SLC25A14: variants seen among roughly 807,000 people sequenced by gnomAD.
The protein encoded by SLC25A14 is solute carrier family 25 member 14.
A neutral mutation model predicts 28.1 loss-of-function variants in SLC25A14; 8 were observed. The ratio of observed to expected loss-of-function variants is 0.28; its 90% CI spans 0.17 to 0.51. The LOEUF (loss-of-function observed/expected upper bound fraction) is 0.51, where lower values mean the gene tolerates loss of function less well. Among genes scored for constraint, SLC25A14 ranks in the 20% least tolerant of loss-of-function variants. The pLI, the probability that SLC25A14 is intolerant of heterozygous loss-of-function variation, is 0.97. For missense variants in SLC25A14, 135 were observed against 263.8 expected, an observed-to-expected ratio of 0.51 and a Z score of 3.38; for synonymous variants, 74 against 90.6, an observed-to-expected ratio of 0.82 and a Z score of 1.04.
intron 6 of SLC25A14, 43 bp from the exon 7 acceptor site, chrX:130,358,597 G>A (rs1453620198): frequency 1.1e-6 from 1 of 879,744 alleles, no homozygotes; most frequent in Non-Finnish European, 1.6e-6. Context: ...TAGCATTTTG[G>A]TTCTCTCTGA....
chrX:130,366,472 C>T (rs999416322), intron 9 of SLC25A14, among the ~76,000 whole-genome samples: 1 of 111,818 alleles, frequency 8.9e-6, no homozygotes, highest in African/African-American at 3.3e-5. Flanking sequence ...TCATTGAATC[C>T]TCACCATTAC....
At chrX:130,367,832 G>T (rs2034156847) in intron 9 of SLC25A14, among the ~76,000 whole-genome samples, 1 of 112,162 alleles carries the variant, frequency 8.9e-6, no homozygotes, top group Non-Finnish European at 1.9e-5. Flanking sequence ...GCCCAGGCTG[G>T]AGTGCAATGG....
At chrX:130,368,189 A>G (rs2034169276) in intron 9 of SLC25A14, among the ~76,000 whole-genome samples, 2 of 112,615 alleles carry the variant, frequency 1.8e-5, no homozygotes, top group Admixed American at 1.9e-4. Flanking sequence ...ATGAGTTTCA[A>G]GAAGGAATGA....
At chrX:130,341,705 T>C (rs1019269943) in intron 2 of SLC25A14, among the ~76,000 whole-genome samples, 7 of 112,538 alleles carry the variant, frequency 6.2e-5, no homozygotes, top group Admixed American at 9.4e-5. Context: ...ACAATTTTCA[T>C]TGGTTTCTTT....
chrX:130,346,529 TG>T lies in SLC25A14; in HGVS notation c.170-14del. On this transcript the variant is annotated splice_polypyrimidine_tract_variant and intron_variant, in intron 3 of 10. Transcript: ENST00000545805. ...TTCTTTGGACATACTTATAAATAAGTGTGTTCCTTTATAGGGACTTTCCCTG... is the reference window on the plus strand; with the variant it reads ...TTCTTTGGACATACTTATAAATAAGTTGTTCCTTTATAGGGACTTTCCCTG... 1 of 1,189,895 alleles carries T rather than the reference TG, an allele frequency of 8.4e-7. No homozygotes were observed. Among genetic ancestry groups the T allele is most frequent in the African/African-American group, 1.7e-5 (1 of 57,331 alleles).
intron 7 of SLC25A14, among the ~76,000 whole-genome samples, chrX:130,359,742 T>G (rs1462584779): frequency 2.7e-5 from 3 of 111,582 alleles, no homozygotes; most frequent in Non-Finnish European, 5.6e-5. Flanking sequence ...AAAGAAAAAT[T>G]GAAAGAATAG....
At chrX:130,356,381 AC>A (rs1292765055) in intron 6 of SLC25A14, among the ~76,000 whole-genome samples, 1 of 108,747 alleles carries the variant, frequency 9.2e-6, no homozygotes, top group Admixed American at 9.8e-5. Context: ...GGTGCACACC[AC>A]CACGCCTGGC....
chrX:130,366,884 G>A (rs1377796402), intron 9 of SLC25A14, among the ~76,000 whole-genome samples: 1 of 111,671 alleles, frequency 9.0e-6, no homozygotes, highest in African/African-American at 3.3e-5. Flanking sequence ...GGGGAGTAAG[G>A]TCCAGGTGTC....
At chrX:130,350,826 G>A in intron 6 of SLC25A14, 95 bp downstream of exon 6, 2 of 438,933 alleles carry the variant, frequency 4.6e-6, no homozygotes, top group Non-Finnish European at 7.9e-6. Context: ...GTAGAACCTT[G>A]GGCAAATCAG....
intron 4 of SLC25A14, among the ~76,000 whole-genome samples, chrX:130,349,017 T>G (rs757707051): frequency 1.1e-3 from 124 of 110,516 alleles, no homozygotes; most frequent in Non-Finnish European, 2.0e-3. Context: ...TCTGGTTTGA[T>G]TCCATTATTG....
At position 130,339,946 on chromosome X, in the gene SLC25A14, A is replaced by G; in HGVS notation, c.-203A>G. The G allele has an allele frequency of 3.6e-6, 3 of 843,819 alleles. No homozygotes were observed. The highest frequency in any genetic ancestry group is 4.3e-6 in the Non-Finnish European group (3 of 697,869). The allele number at this position is 843,819 out of a possible 1,213,427, so 69.5% of individuals were successfully genotyped here. A position where few individuals can be genotyped will look rare whatever the true frequency, so the allele number is the denominator to read the frequency against. On this transcript the variant is annotated 5_prime_UTR_variant, in exon 1 of 11. Coordinates refer to ENST00000545805, the MANE Select transcript of SLC25A14 (RefSeq NM_001282195.2). The stretch of plus-strand genomic sequence containing the variant: ...TGGCGTTTCCGACTGTGGGAGCCTC[A>G]GCTTCCCAGTCGTCCGATGAGCCCG...
At chrX:130,357,747 C>CT (rs1416871523) in intron 6 of SLC25A14, among the ~76,000 whole-genome samples, 1 of 111,877 alleles carries the variant, frequency 8.9e-6, no homozygotes, top group Non-Finnish European at 1.9e-5. Flanking sequence ...TATTTAGTGA[C>CT]TGACTACTAG....
At chrX:130,344,190 C>T (rs772966218) in intron 2 of SLC25A14, among the ~76,000 whole-genome samples, 3 of 112,331 alleles carry the variant, frequency 2.7e-5, no homozygotes, top group Non-Finnish European at 5.6e-5. Context: ...GAAGTATCAG[C>T]GTTATTTGGG....
intron 7 of SLC25A14, among the ~76,000 whole-genome samples, chrX:130,359,846 C>G (rs1022976748): frequency 5.4e-5 from 6 of 111,009 alleles, no homozygotes; most frequent in Non-Finnish European, 1.1e-4. Context: ...GACATACACT[C>G]TTTTTAGCTA....
At chrX:130,348,439 TC>T (rs1356402211) in intron 4 of SLC25A14, among the ~76,000 whole-genome samples, 1 of 111,042 alleles carries the variant, frequency 9.0e-6, no homozygotes, top group African/African-American at 3.3e-5. Context: ...AAGGAATTTG[TC>T]CATTTCTTCT....
At chrX:130,356,804 TAGGTATC>T (rs928547426) in intron 6 of SLC25A14, among the ~76,000 whole-genome samples, 5 of 111,727 alleles carry the variant, frequency 4.5e-5, no homozygotes, top group African/African-American at 1.6e-4. Flanking sequence ...AGTATTGGAT[TAGGTATC>T]AAGTTTCTAC....
At chrX:130,369,830 T>C (rs975934499) in intron 9 of SLC25A14, among the ~76,000 whole-genome samples, 2 of 112,368 alleles carry the variant, frequency 1.8e-5, no homozygotes, top group Admixed American at 1.9e-4. Flanking sequence ...CTAAATCATG[T>C]GGGATCCTAT....
chrX:130,365,175 T>A, intron 8 of SLC25A14: 1 of 807,696 alleles, frequency 1.2e-6, no homozygotes, highest in Non-Finnish European at 1.5e-6. Flanking sequence ...CATTTTACAT[T>A]TTCTTTGTCT....
chrX:130,358,082 C>T (rs922564900), intron 6 of SLC25A14, among the ~76,000 whole-genome samples: 6 of 111,734 alleles, frequency 5.4e-5, no homozygotes, highest in African/African-American at 1.6e-4. Context: ...ATGTTCACCT[C>T]GTCTCTTTGC....
Sources: gnomAD v4.1 joint callset for allele counts (sites outside exome capture counted in the v4.1 genomes callset) on GRCh38, gnomAD v4.1.1 for gene constraint, MANE v1.5 for transcripts, NCBI Gene and HGNC (gene_info 2026-07-23, HGNC 2026-07-21) for gene names.